Variants in KNTC1 observed in about 807,000 individuals in gnomAD.
KNTC1 encodes kinetochore-associated protein 1.
In KNTC1, 253 loss-of-function variants were observed where a neutral mutation model predicts 314.4. That is an observed-to-expected ratio of 0.80 (90% CI 0.73 to 0.89). KNTC1 has a LOEUF of 0.89. Among genes scored for constraint, KNTC1 ranks in the 40% least tolerant of loss-of-function variants. The pLI, the probability that KNTC1 is intolerant of heterozygous loss-of-function variation, is 0.00. For synonymous variants in KNTC1, 901 were observed against 901.4 expected (o/e 1.00, Z 0.01); for missense variants, 2,475 against 2,572.9 (o/e 0.96, Z 0.82).
chr12:122,579,897 AT>A lies in KNTC1; in HGVS notation c.2842-3del. ...AGATTTTATTTCGCTTTATTTATTTATTTTTAGGGCAAGGCCTGGAGAATGT... is the reference window on the plus strand; with the variant it reads ...AGATTTTATTTCGCTTTATTTATTTATTTTAGGGCAAGGCCTGGAGAATGT... On this transcript the variant is annotated splice_polypyrimidine_tract_variant and splice_region_variant and intron_variant, in intron 31 of 63. Transcript: ENST00000333479. The A allele has an allele frequency of 6.3e-7, 1 of 1,595,512 alleles. No individual in the cohort carries two copies. The highest frequency in any genetic ancestry group is 8.6e-7 in the Non-Finnish European group (1 of 1,164,568).
At chr12:122,595,698 G>A (rs935800054) in intron 43 of KNTC1, among the ~76,000 whole-genome samples, 1 of 152,172 alleles carries the variant, frequency 6.6e-6, no homozygotes, top group Non-Finnish European at 1.5e-5. Flanking sequence ...AGTTTAGAGT[G>A]TTATAAATCC....
chr12:122,612,824 T>C (rs937622749), intron 53 of KNTC1: 4 of 273,560 alleles, frequency 1.5e-5, no homozygotes, highest in Non-Finnish European at 2.7e-5. Flanking sequence ...CCACCATTGC[T>C]TTTGCACAGT....
chr12:122,529,986 A>T lies in KNTC1; in HGVS notation c.-73-5A>T. ...TTCCCAAGGAACCAGGTTCTATGCA[A>T]CAAGATAATATGGTGTCTAATTTTA... is the stretch of plus-strand genomic sequence containing the variant. On this transcript the variant is annotated splice_region_variant and splice_polypyrimidine_tract_variant and intron_variant, in intron 1 of 63. Coordinates refer to ENST00000333479, the MANE Select transcript of KNTC1 (RefSeq NM_014708.6). The T allele has an allele frequency of 6.7e-7, 1 of 1,482,206 alleles. No individual in the cohort carries two copies. Among genetic ancestry groups the T allele is most frequent in the Non-Finnish European group, 9.1e-7 (1 of 1,098,970 alleles). 91.8% of individuals were successfully genotyped at this position (1,482,206 alleles called of 1,614,324 possible). A position where few individuals can be genotyped will look rare whatever the true frequency, so the allele number is the denominator to read the frequency against.
intron 59 of KNTC1, among the ~76,000 whole-genome samples, chr12:122,619,585 T>G (rs1566022419): frequency 1.3e-5 from 2 of 152,012 alleles, no homozygotes; most frequent in Non-Finnish European, 2.9e-5. Flanking sequence ...GCTAATTGTT[T>G]GTATTTTTAA....
intron 27 of KNTC1, among the ~76,000 whole-genome samples, chr12:122,575,335 G>GA (rs1418467263): frequency 6.6e-6 from 1 of 152,168 alleles, no homozygotes; most frequent in Non-Finnish European, 1.5e-5. Flanking sequence ...GCTTACAGCA[G>GA]AAAAAATACT....
At chr12:122,539,875 A>C in intron 5 of KNTC1, 121 bp downstream of exon 5, 1 of 604,148 alleles carries the variant, frequency 1.7e-6, no homozygotes, top group South Asian at 2.2e-5. Flanking sequence ...ACCAGCTCCC[A>C]GGTTCAGGCG....
At chr12:122,581,904 CTCTA>C (rs1351958458) in intron 33 of KNTC1, among the ~76,000 whole-genome samples, 4 of 152,158 alleles carry the variant, frequency 2.6e-5, no homozygotes, top group African/African-American at 9.7e-5. Context: ...CAGCCATCAC[CTCTA>C]TCTACTTTTT....
Position 122,570,909 on chromosome 12 carries a change from A to G in KNTC1, c.1894A>G (p.Arg632Gly). 2 of 1,565,256 alleles carry G rather than the reference A, an allele frequency of 1.3e-6. No individual in the cohort carries two copies. The highest frequency in any genetic ancestry group is 1.9e-5 in the Admixed American group (1 of 52,912). The change falls in exon 23 of 64, where the codon AGG becomes GGG. Residue 632 changes from arginine (R) to glycine (G), a missense_variant. By Grantham distance (125) the Arg-to-Gly change is moderately radical. Transcript: ENST00000333479. ...TGCAAAATGGTTGGAACAAGCAGCCAGGAACCTTGAATTAACTGATAAGGT... is the reference window on the plus strand; with the variant it reads ...TGCAAAATGGTTGGAACAAGCAGCCGGGAACCTTGAATTAACTGATAAGGT... ...ILAKWLEQAA[R>G]NLELTDKANW...
At chr12:122,529,639 C>T (rs891114076) in intron 1 of KNTC1, among the ~76,000 whole-genome samples, 1 of 152,112 alleles carries the variant, frequency 6.6e-6, no homozygotes, top group Non-Finnish European at 1.5e-5. Flanking sequence ...CTGTTTGCTG[C>T]TATTAAAGGT....
chr12:122,577,907 G>C, intron 31 of KNTC1, 116 bp downstream of exon 31: 1 of 914,862 alleles, frequency 1.1e-6, no homozygotes, highest in Non-Finnish European at 1.5e-6. Context: ...TGCTAGGGTG[G>C]CCTAGTGAAA....
chr12:122,589,801 TGAGACG>T (rs1434128540), intron 40 of KNTC1, among the ~76,000 whole-genome samples: 5 of 147,710 alleles, frequency 3.4e-5, no homozygotes, highest in Admixed American at 6.8e-5. Flanking sequence ...TTTTTTTTTT[TGAGACG>T]GAGTCTCGCA....
intron 24 of KNTC1, 29 bp from the exon 25 acceptor site, chr12:122,572,908 C>T (rs1411273272): frequency 7.0e-6 from 10 of 1,428,376 alleles, no homozygotes; most frequent in African/African-American, 1.4e-5. Flanking sequence ...TATTTTATAT[C>T]GTTAACAACT....
intron 13 of KNTC1, 42 bp from the exon 14 acceptor site, chr12:122,551,277 C>G (rs1213303218): frequency 8.0e-7 from 1 of 1,255,726 alleles, no homozygotes; most frequent in Non-Finnish European, 1.1e-6. Context: ...AAATGCATTG[C>G]TCTTATATTG....
rs1363812603 is a variant in KNTC1, at chr12:122,610,036, C to T, written c.5543+606C>T. Among the ~76,000 whole-genome samples the T allele has an allele frequency of 2.6e-5, 4 of 152,150 alleles. No individual in the cohort carries two copies. In the East Asian group the frequency reaches 7.7e-4, roughly 29 times the overall value. ...AAGTAAGCCAAGTGGCCTGGGGAGG[C>T]CCTATGTCCAGCCTCAGCCTTGGAG... On this transcript the variant is annotated intron_variant, in intron 52 of 63. Coordinates refer to ENST00000333479, the MANE Select transcript of KNTC1 (RefSeq NM_014708.6).
chr12:122,540,499 A>T (rs1962219745), intron 5 of KNTC1, among the ~76,000 whole-genome samples: 1 of 152,094 alleles, frequency 6.6e-6, no homozygotes, highest in Admixed American at 6.6e-5. Flanking sequence ...AATGCAATTA[A>T]TATTGTAAGA....
At chr12:122,573,640 A>T (rs1964839945) in intron 26 of KNTC1, among the ~76,000 whole-genome samples, 1 of 152,210 alleles carries the variant, frequency 6.6e-6, no homozygotes, top group African/African-American at 2.4e-5. Flanking sequence ...ACGAGGCATC[A>T]GTCAGCATAT....
chr12:122,613,802 T>TA, intron 55 of KNTC1, 41 bp downstream of exon 55: 1 of 1,529,732 alleles, frequency 6.5e-7, no homozygotes, highest in Non-Finnish European at 8.7e-7. Flanking sequence ...TCCCTGCCCC[T>TA]ACTCAGAATC....
chr12:122,613,427 G>A (rs1873400600), intron 54 of KNTC1, 197 bp downstream of exon 54: 1 of 657,432 alleles, frequency 1.5e-6, no homozygotes, highest in Non-Finnish European at 2.5e-6. Context: ...GTTTCTTGGA[G>A]ACATTTAGAA....
intron 49 of KNTC1, 100 bp downstream of exon 49, chr12:122,604,737 A>T: frequency 1.7e-6 from 2 of 1,207,120 alleles, no homozygotes; most frequent in South Asian, 1.3e-5. Context: ...AAAATGGAGA[A>T]GGAAGACCAA....
Sources: gnomAD v4.1 joint callset for allele counts (sites outside exome capture counted in the v4.1 genomes callset) on GRCh38, gnomAD v4.1.1 for gene constraint, MANE v1.5 for transcripts, NCBI Gene and HGNC (gene_info 2026-07-23, HGNC 2026-07-21) for gene names.